DOCK3: variants seen among roughly 807,000 people sequenced by gnomAD.
DOCK3 encodes dedicator of cytokinesis protein 3.
DOCK3 carries 60 observed loss-of-function variants against 265.6 expected under a neutral mutation model. The ratio of observed to expected loss-of-function variants is 0.23; its 90% confidence interval spans 0.18 to 0.28. The LOEUF is 0.28. Among genes scored for constraint, DOCK3 ranks in the 10% least tolerant of loss-of-function variants. The probability of loss-of-function intolerance (pLI) is 1.00; values close to 1 mark genes in which losing one functional copy is unlikely to be tolerated. For synonymous variants in DOCK3, 881 were observed against 938.0 expected (o/e 0.94, Z 1.11); for missense variants, 1,981 against 2,594.3 (o/e 0.76, Z 5.14).
chr3:50,787,724 C>T, intron 2 of DOCK3: 1 of 1,248,108 alleles, frequency 8.0e-7, no homozygotes, highest in East Asian at 2.4e-5. Context: ...ATTCTTCTTT[C>T]TGTAACGCTG....
At chr3:50,918,934 C>A (rs934183090) in intron 4 of DOCK3, among the ~76,000 whole-genome samples, 1 of 151,998 alleles carries the variant, frequency 6.6e-6, no homozygotes, top group Non-Finnish European at 1.5e-5. Flanking sequence ...AATTAATTTT[C>A]GTATAAAGTG....
At chr3:50,923,637 T>G (rs2108061679) in intron 4 of DOCK3, among the ~76,000 whole-genome samples, 1 of 152,300 alleles carries the variant, frequency 6.6e-6, no homozygotes, top group East Asian at 1.9e-4. Flanking sequence ...GAAGTTAAAT[T>G]TATAAATATA....
intron 38 of DOCK3, among the ~76,000 whole-genome samples, chr3:51,342,276 A>T (rs2085292240): frequency 6.6e-6 from 1 of 152,220 alleles, no homozygotes; most frequent in African/African-American, 2.4e-5. Context: ...ATTCACTCAG[A>T]AAACATTTCC....
chr3:50,914,146 C>A (rs1292284946), intron 4 of DOCK3, among the ~76,000 whole-genome samples: 2 of 150,780 alleles, frequency 1.3e-5, no homozygotes, highest in Admixed American at 6.6e-5. Flanking sequence ...CTTTAAAAAC[C>A]CAGTTTTTAT....
chr3:51,270,375 T>G (rs975290318), intron 23 of DOCK3, among the ~76,000 whole-genome samples: 1 of 152,224 alleles, frequency 6.6e-6, no homozygotes, highest in African/African-American at 2.4e-5. Flanking sequence ...TGAGCAGAGT[T>G]CAGCTGGTGC....
At chr3:50,721,882 AT>A (rs1010308271) in intron 1 of DOCK3, among the ~76,000 whole-genome samples, 3 of 151,952 alleles carry the variant, frequency 2.0e-5, no homozygotes, top group Admixed American at 6.6e-5. Context: ...GTGTTTTGTA[AT>A]TCTTTCAACT....
At chr3:51,242,065 G>A (rs562079381) in intron 21 of DOCK3, among the ~76,000 whole-genome samples, 7 of 152,162 alleles carry the variant, frequency 4.6e-5, no homozygotes, top group Admixed American at 2.0e-4. Context: ...TTCAGTCTTC[G>A]AGGTTGCTGT....
chr3:51,150,962 G>T (rs996902846), intron 10 of DOCK3, among the ~76,000 whole-genome samples: 5 of 152,130 alleles, frequency 3.3e-5, no homozygotes, highest in Non-Finnish European at 5.9e-5. Flanking sequence ...TTATTATTGT[G>T]TGGGAGTCTA....
intron 5 of DOCK3, among the ~76,000 whole-genome samples, chr3:51,006,378 T>C (rs544860714): frequency 2.0e-5 from 3 of 152,308 alleles, no homozygotes; most frequent in East Asian, 3.9e-4. Context: ...AATTGTTTTG[T>C]GTATTGCTTA....
chr3:50,709,618 G>A (rs1056274224), intron 1 of DOCK3, among the ~76,000 whole-genome samples: 12 of 152,114 alleles, frequency 7.9e-5, no homozygotes, highest in African/African-American at 2.7e-4. Flanking sequence ...GTAAGGTCGG[G>A]AGTTCAAGAC....
At chr3:51,054,079 G>A (rs764546969) in intron 5 of DOCK3, among the ~76,000 whole-genome samples, 8 of 135,536 alleles carry the variant, frequency 5.9e-5, no homozygotes, top group Non-Finnish European at 1.2e-4. Context: ...TTAATTCTTG[G>A]TAAACTTCCT....
chr3:50,798,097 C>G (rs183151669), intron 2 of DOCK3, among the ~76,000 whole-genome samples: 73 of 152,168 alleles, frequency 4.8e-4, no homozygotes, highest in African/African-American at 1.7e-3. Flanking sequence ...TAAGCGATAG[C>G]TGTTAGGTAG....
chr3:50,919,025 C>G (rs1467272234), intron 4 of DOCK3, among the ~76,000 whole-genome samples: 1 of 152,128 alleles, frequency 6.6e-6, no homozygotes, highest in Non-Finnish European at 1.5e-5. Context: ...GGAATCCTTT[C>G]CCCATTTCTT....
chr3:50,716,349 A>G (rs191754707), intron 1 of DOCK3, among the ~76,000 whole-genome samples: 13 of 152,112 alleles, frequency 8.5e-5, no homozygotes, highest in Admixed American at 7.2e-4. Flanking sequence ...AACATGGTGA[A>G]ACCCCATCTC....
At chr3:50,982,837 C>T (rs2077744021) in intron 5 of DOCK3, among the ~76,000 whole-genome samples, 1 of 152,144 alleles carries the variant, frequency 6.6e-6, no homozygotes, top group South Asian at 2.1e-4. Flanking sequence ...CCCCAGGCTG[C>T]AAGGAGGCCC....
Position 50,947,989 on chromosome 3 carries a change from G to A in DOCK3, c.315+13912G>A, listed in dbSNP as rs575722684. Among the ~76,000 whole-genome samples, 158 of 147,966 alleles carry A rather than the reference G, an allele frequency of 1.1e-3. No individual in the cohort carries two copies. The Middle Eastern group carries it at 0.011, about 10-fold the overall frequency. On this transcript the variant is annotated intron_variant, in intron 5 of 52. Coordinates refer to ENST00000266037, the MANE Select transcript of DOCK3 (RefSeq NM_004947.5). The stretch of plus-strand genomic sequence containing the variant: ...TCCTGTCTCAGCCTCCTGAGTAGCT[G>A]GGACTGCAGGCACCTGCCACCACGC...
At chr3:51,167,280 C>G (rs1022359867) in intron 12 of DOCK3, among the ~76,000 whole-genome samples, 1 of 152,110 alleles carries the variant, frequency 6.6e-6, no homozygotes, top group Non-Finnish European at 1.5e-5. Flanking sequence ...TTTCTGGGAT[C>G]TGTATTCTGT....
At chr3:50,688,665 G>C (rs1230586935) in intron 1 of DOCK3, among the ~76,000 whole-genome samples, 1 of 152,138 alleles carries the variant, frequency 6.6e-6, no homozygotes, top group East Asian at 1.9e-4. Flanking sequence ...GTTTCACCAT[G>C]TTGGCTAGGC....
intron 1 of DOCK3, among the ~76,000 whole-genome samples, chr3:50,744,897 C>T (rs2039323416): frequency 6.6e-6 from 1 of 151,976 alleles, no homozygotes; most frequent in Non-Finnish European, 1.5e-5. Context: ...ATTTTTGGCT[C>T]TTGATTATAT....
Sources: gnomAD v4.1 joint callset for allele counts (sites outside exome capture counted in the v4.1 genomes callset) on GRCh38, gnomAD v4.1.1 for gene constraint, MANE v1.5 for transcripts, NCBI Gene and HGNC (gene_info 2026-07-23, HGNC 2026-07-21) for gene names.